The following HDAC4 variants were observed in gnomAD, a reference collection of about 807,000 sequenced individuals.
HDAC4 encodes the protein histone deacetylase A.
HDAC4 carries 16 observed loss-of-function variants against 135.1 expected under a neutral mutation model. That is an observed-to-expected ratio of 0.12 (90% CI 0.08 to 0.18). The LOEUF is 0.18. HDAC4 is among the 10% of genes least tolerant of loss of function. The pLI is 1.00. For synonymous variants in HDAC4, 685 were observed against 653.4 expected, an observed-to-expected ratio of 1.05 and a Z score of -0.74; for missense variants, 1,143 against 1,511.8, an observed-to-expected ratio of 0.76 and a Z score of 4.05.
chr2:239,098,799 TACTTAG>T (rs2037352796), intron 16 of HDAC4, among the ~76,000 whole-genome samples: 1 of 152,260 alleles, frequency 6.6e-6, no homozygotes, highest in Admixed American at 6.5e-5. Context: ...ATGTCTGAAA[TACTTAG>T]ACTGATGATA....
At chr2:239,106,229 G>A (rs923061130) in intron 15 of HDAC4, among the ~76,000 whole-genome samples, 14 of 152,178 alleles carry the variant, frequency 9.2e-5, no homozygotes, top group Non-Finnish European at 1.6e-4. Flanking sequence ...GTTTCTTCCA[G>A]GGTCTTTGCT....
chr2:239,140,628 G>A (rs375140382), intron 8 of HDAC4, among the ~76,000 whole-genome samples: 4 of 152,186 alleles, frequency 2.6e-5, no homozygotes, highest in South Asian at 2.1e-4. Flanking sequence ...CATTTGCCTC[G>A]AGAACTCTAG....
At chr2:239,084,549 G>A (rs1409867292) in intron 19 of HDAC4, among the ~76,000 whole-genome samples, 3 of 109,490 alleles carry the variant, frequency 2.7e-5, no homozygotes, top group African/African-American at 5.9e-5. Flanking sequence ...TAACCGACAC[G>A]GACATGCACA....
At chr2:239,099,501 T>C (rs899445122) in intron 16 of HDAC4, among the ~76,000 whole-genome samples, 2 of 152,184 alleles carry the variant, frequency 1.3e-5, no homozygotes, top group African/African-American at 4.8e-5. Flanking sequence ...GGCCAGAAGC[T>C]GAGGTGTTAC....
At chr2:239,298,086 G>A in intron 2 of HDAC4, 1 of 690,444 alleles carries the variant, frequency 1.4e-6, no homozygotes, top group South Asian at 1.4e-5. Flanking sequence ...CTTTAGGGTT[G>A]CTAAAATATT....
At chr2:239,338,672 T>G (rs1013400533) in intron 2 of HDAC4, among the ~76,000 whole-genome samples, 1 of 152,246 alleles carries the variant, frequency 6.6e-6, no homozygotes, top group Non-Finnish European at 1.5e-5. Flanking sequence ...CAGCAGCTGC[T>G]ATGAGATTCC....
intron 3 of HDAC4, among the ~76,000 whole-genome samples, chr2:239,209,920 A>G (rs1372070604): frequency 6.6e-6 from 1 of 152,224 alleles, no homozygotes; most frequent in Non-Finnish European, 1.5e-5. Context: ...GGAAAGGCAA[A>G]TCAGACCCCT....
chr2:239,242,227 GGGAAGGGAGGGA>G (rs1337082380), intron 2 of HDAC4, among the ~76,000 whole-genome samples: 3 of 132,226 alleles, frequency 2.3e-5, no homozygotes, highest in Admixed American at 7.4e-5. Context: ...GAGGAAGGAG[GGGAAGGGAGGGA>G]GGGAGGGAGG....
intron 7 of HDAC4, among the ~76,000 whole-genome samples, chr2:239,155,796 G>C (rs1460444491): frequency 1.3e-5 from 2 of 152,146 alleles, no homozygotes; most frequent in Non-Finnish European, 2.9e-5. Flanking sequence ...AGGACGCCTT[G>C]GGATTTCCCA....
At chr2:239,126,024 A>G (rs1197777447) in intron 12 of HDAC4, among the ~76,000 whole-genome samples, 1 of 152,206 alleles carries the variant, frequency 6.6e-6, no homozygotes, top group East Asian at 1.9e-4. Flanking sequence ...GTGGGTTGCT[A>G]GTTTATTTAA....
At chr2:239,184,186 T>C (rs772432088) in intron 4 of HDAC4, among the ~76,000 whole-genome samples, 9 of 151,552 alleles carry the variant, frequency 5.9e-5, no homozygotes, top group Non-Finnish European at 1.0e-4. Context: ...AAGGCACGCC[T>C]TACACCAGTG....
chr2:239,189,640 C>T (rs888174418), intron 4 of HDAC4, among the ~76,000 whole-genome samples, 193 bp downstream of exon 4: 1 of 152,218 alleles, frequency 6.6e-6, no homozygotes, highest in African/African-American at 2.4e-5. Context: ...CTCAGCACCA[C>T]GTCCTCCACA....
intron 2 of HDAC4, among the ~76,000 whole-genome samples, chr2:239,310,915 G>A (rs1188870063): frequency 1.3e-5 from 2 of 152,162 alleles, no homozygotes; most frequent in African/African-American, 4.8e-5. Flanking sequence ...CACGGCCACC[G>A]GCCATTTAAG....
At chr2:239,138,902 G>C (rs1338336296) in intron 9 of HDAC4, among the ~76,000 whole-genome samples, 1 of 152,236 alleles carries the variant, frequency 6.6e-6, no homozygotes, top group Non-Finnish European at 1.5e-5. Flanking sequence ...AGTATGGTCA[G>C]TGTGCGACTC....
chr2:239,374,908 G>C (rs1575772068), intron 1 of HDAC4, among the ~76,000 whole-genome samples: 1 of 152,124 alleles, frequency 6.6e-6, no homozygotes. Context: ...CGTGCAAATC[G>C]GGCACCCTGT....
chr2:239,115,392 C>T lies in HDAC4; in HGVS notation c.1534-82G>A. Reference sequence around the variant, plus strand: ...GACAGGAGAAGGGATGCTGCAAACCCCACCCTCTGGGGCAGACAATCAGGG... The same window carrying T: ...GACAGGAGAAGGGATGCTGCAAACCTCACCCTCTGGGGCAGACAATCAGGG... On this transcript the variant is annotated intron_variant, in intron 12 of 26. Coordinates refer to ENST00000543185, the MANE Select transcript of HDAC4 (RefSeq NM_001378414.1). This position sits in a 1 kb window ranked among gnomAD's most constrained non-coding sequence, Gnocchi z 6.3. The T allele has an allele frequency of 1.3e-6, 2 of 1,565,230 alleles. No homozygotes were observed. The highest frequency in any genetic ancestry group is 1.7e-6 in the Non-Finnish European group (2 of 1,143,064).
rs372166713 is a variant in HDAC4, at chr2:239,134,508, C to T, written c.1095+19G>A. On this transcript the variant is annotated intron_variant, in intron 10 of 26. Coordinates refer to ENST00000543185, the MANE Select transcript of HDAC4 (RefSeq NM_001378414.1). ...TCACCACCACCCCACACCACACGGACCCACGGGGGCTGACTTACCGCAGAG... is the reference window on the plus strand; with the variant it reads ...TCACCACCACCCCACACCACACGGATCCACGGGGGCTGACTTACCGCAGAG... 18 of 1,613,254 alleles carry T rather than the reference C, an allele frequency of 1.1e-5. No individual in the cohort carries two copies. The highest frequency in any genetic ancestry group is 1.4e-5 in the Non-Finnish European group (17 of 1,179,438).
intron 2 of HDAC4, among the ~76,000 whole-genome samples, chr2:239,335,520 A>C (rs1691876783): frequency 2.0e-5 from 3 of 151,052 alleles, no homozygotes; most frequent in Admixed American, 6.6e-5. Context: ...AAAAAAAAAA[A>C]AAAAAAAAAA....
chr2:239,242,431 G>T (rs976158161), intron 2 of HDAC4, among the ~76,000 whole-genome samples: 2 of 152,100 alleles, frequency 1.3e-5, no homozygotes, highest in African/African-American at 2.4e-5. Flanking sequence ...TTATTACTAG[G>T]TATTTGATAT....
Sources: gnomAD v4.1 joint callset for allele counts (sites outside exome capture counted in the v4.1 genomes callset) on GRCh38, gnomAD v4.1.1 for gene constraint, Gnocchi (gnomAD v3.1) non-coding constraint, MANE v1.5 for transcripts, NCBI Gene and HGNC (gene_info 2026-07-23, HGNC 2026-07-21) for gene names.